Variants in PTPRT observed in about 807,000 individuals in gnomAD.
PTPRT encodes protein tyrosine phosphatase receptor type T.
A neutral mutation model predicts 176.8 loss-of-function variants in PTPRT; 56 were observed. That is an observed-to-expected ratio of 0.32 (90% CI 0.26 to 0.40). The LOEUF is 0.40. Ranked by LOEUF, PTPRT falls within the 10% of genes least tolerant of loss-of-function variation. The pLI is 1.00. For missense variants in PTPRT, 1,540 were observed against 1,908.2 expected, an observed-to-expected ratio of 0.81 and a Z score of 3.60; for synonymous variants, 783 against 739.0, an observed-to-expected ratio of 1.06 and a Z score of -0.96.
intron 7 of PTPRT, among the ~76,000 whole-genome samples, chr20:42,552,480 C>T: frequency 6.6e-6 from 1 of 152,056 alleles, no homozygotes; most frequent in Non-Finnish European, 1.5e-5. Flanking sequence ...TGAAATAAAG[C>T]TCTCAGTGTA....
intron 26 of PTPRT, among the ~76,000 whole-genome samples, chr20:42,099,219 C>CTTTT (rs10690128): frequency 9.4e-4 from 142 of 151,436 alleles, no homozygotes; most frequent in African/African-American, 3.2e-3. Context: ...TTGTAGAGTG[C>CTTTT]TTTTTTTTTG....
At chr20:42,253,412 C>A (rs947858757) in intron 13 of PTPRT, among the ~76,000 whole-genome samples, 13 of 152,110 alleles carry the variant, frequency 8.5e-5, no homozygotes, top group African/African-American at 3.1e-4. Context: ...ATAACACCTG[C>A]GTTACTTTTA....
chr20:42,981,350 G>A (rs914069717), intron 1 of PTPRT, among the ~76,000 whole-genome samples: 1 of 152,228 alleles, frequency 6.6e-6, no homozygotes, highest in Non-Finnish European at 1.5e-5. Flanking sequence ...CACCTGCACA[G>A]AGAAGGTGGG....
At chr20:42,051,559 C>G in the PTPRT span, among the ~76,000 whole-genome samples, 1 of 152,102 alleles carries the variant, frequency 6.6e-6, no homozygotes, top group African/African-American at 2.4e-5. Flanking sequence ...TGAGGGTGAA[C>G]TGAGGGATGA....
intron 2 of PTPRT, among the ~76,000 whole-genome samples, chr20:42,819,803 A>G (rs1004498041): frequency 6.6e-6 from 1 of 152,216 alleles, no homozygotes; most frequent in Non-Finnish European, 1.5e-5. Context: ...ACTTTAAACA[A>G]AGATCAAAAA....
chr20:42,405,705 C>T (rs543648739), intron 9 of PTPRT, among the ~76,000 whole-genome samples: 6 of 152,176 alleles, frequency 3.9e-5, no homozygotes, highest in African/African-American at 1.4e-4. Context: ...TGGGTATATA[C>T]CCAGTAATGG....
intron 1 of PTPRT, among the ~76,000 whole-genome samples, chr20:43,105,116 G>A (rs1283237998): frequency 6.6e-6 from 1 of 152,114 alleles, no homozygotes; most frequent in Non-Finnish European, 1.5e-5. Flanking sequence ...TAGAGTGTAA[G>A]CAAGGTCATG....
chr20:42,050,198 G>T, the PTPRT span, among the ~76,000 whole-genome samples: 1 of 152,110 alleles, frequency 6.6e-6, no homozygotes, highest in Admixed American at 6.5e-5. Flanking sequence ...CTCCCCTTTC[G>T]TGGTCTCCGT....
chr20:42,455,489 C>T (rs968020283), intron 8 of PTPRT, among the ~76,000 whole-genome samples: 1 of 152,174 alleles, frequency 6.6e-6, no homozygotes, highest in Non-Finnish European at 1.5e-5. Flanking sequence ...TAAACCCACA[C>T]AAAAGAGTTT....
chr20:43,083,308 C>G, intron 1 of PTPRT, among the ~76,000 whole-genome samples: 1 of 77,626 alleles, frequency 1.3e-5, no homozygotes, highest in African/African-American at 4.1e-5. Flanking sequence ...ATAAGATTCA[C>G]CCACTTCAAA....
At chr20:42,262,946 A>C (rs929370815) in intron 13 of PTPRT, among the ~76,000 whole-genome samples, 1 of 152,196 alleles carries the variant, frequency 6.6e-6, no homozygotes, top group Non-Finnish European at 1.5e-5. Flanking sequence ...GGTTTTGCAG[A>C]GATCAAACTG....
intron 6 of PTPRT, among the ~76,000 whole-genome samples, chr20:42,697,995 T>G (rs973789719): frequency 6.6e-6 from 1 of 152,224 alleles, no homozygotes; most frequent in Non-Finnish European, 1.5e-5. Context: ...GTATTAACTT[T>G]TTTTAAAAAA....
chr20:42,230,875 G>A (rs1045083621), intron 15 of PTPRT, among the ~76,000 whole-genome samples: 1 of 152,118 alleles, frequency 6.6e-6, no homozygotes, highest in African/African-American at 2.4e-5. Context: ...TGTGTCCCTG[G>A]GTCCCCAGAT....
At chr20:42,468,255 G>C (rs1004926345) in intron 8 of PTPRT, among the ~76,000 whole-genome samples, 1 of 152,196 alleles carries the variant, frequency 6.6e-6, no homozygotes, top group African/African-American at 2.4e-5. Flanking sequence ...CAATCCTAAA[G>C]GTTGCTTGCT....
chr20:42,535,022 G>C (rs965498394), intron 7 of PTPRT, among the ~76,000 whole-genome samples: 3 of 152,142 alleles, frequency 2.0e-5, no homozygotes, highest in African/African-American at 7.2e-5. Context: ...CTATTATGCG[G>C]ATAAGAAACA....
At chr20:42,642,532 G>A in intron 7 of PTPRT, among the ~76,000 whole-genome samples, 1 of 152,130 alleles carries the variant, frequency 6.6e-6, no homozygotes, top group Admixed American at 6.5e-5. Flanking sequence ...AATACAATGT[G>A]CTCACTCTGA....
At chr20:43,177,703 C>T (rs1600774189) in intron 1 of PTPRT, among the ~76,000 whole-genome samples, 1 of 152,086 alleles carries the variant, frequency 6.6e-6, no homozygotes, top group Non-Finnish European at 1.5e-5. Flanking sequence ...TTAAATATTT[C>T]GTATGTGGGA....
At chr20:42,807,195 G>A (rs1214716851) in intron 2 of PTPRT, among the ~76,000 whole-genome samples, 1 of 152,216 alleles carries the variant, frequency 6.6e-6, no homozygotes, top group Admixed American at 6.5e-5. Flanking sequence ...TCTTCTACTA[G>A]AGGGACAGAG....
intron 14 of PTPRT, among the ~76,000 whole-genome samples, chr20:42,245,258 G>A (rs1486320058): frequency 1.3e-5 from 2 of 152,138 alleles, no homozygotes; most frequent in Non-Finnish European, 2.9e-5. Flanking sequence ...AGGGGCTCCA[G>A]GATCCCTTCT....
Sources: allele counts gnomAD v4.1 joint callset (sites outside exome capture counted in the v4.1 genomes callset), GRCh38; gene constraint gnomAD v4.1.1; transcripts MANE v1.5; gene names NCBI Gene and HGNC (gene_info 2026-07-23, HGNC 2026-07-21).